The following RAPGEF1 variants were observed in gnomAD, a reference collection of about 807,000 sequenced individuals.
RAPGEF1 encodes the protein Rap guanine nucleotide exchange factor 1, also known as CRK SH3-binding GNRP.
A neutral mutation model predicts 143.3 loss-of-function variants in RAPGEF1; 33 were observed. That is an observed-to-expected ratio of 0.23 (90% confidence interval 0.17 to 0.31). RAPGEF1 has a LOEUF of 0.31. Among genes scored for constraint, RAPGEF1 ranks in the 10% least tolerant of loss-of-function variants. The pLI is 1.00. For missense variants in RAPGEF1, 1,199 were observed against 1,645.4 expected (o/e 0.73, Z 4.69); for synonymous variants, 629 against 676.5 (o/e 0.93, Z 1.09).
intron 1 of RAPGEF1, among the ~76,000 whole-genome samples, chr9:131,732,409 ACAAGTGGAAGCTCAAAGAACATGCACT>A (rs1284649578): frequency 6.6e-6 from 1 of 152,184 alleles, no homozygotes; most frequent in Non-Finnish European, 1.5e-5. Context: ...GGCAGTCACT[ACAAGTGGAAGCTCAAAGAACATGCACT>A]CAAGTGGAAG....
In RAPGEF1 at chr9:131,580,460, G is replaced by A. The variant is rs147617867; in HGVS notation, c.3513-69C>T. 1.2e-3 allele frequency: 1,849 copies of A among 1,544,946 alleles called. 29 individuals carry two copies. In the African/African-American group the frequency reaches 0.022, roughly 18 times the overall value. ...GAAGCAGCAAGGGCTAGAGACATGT[G>A]TCAGGCGCTAGGACTCGCAGTGAGC... is the stretch of plus-strand genomic sequence containing the variant. On this transcript the variant is annotated intron_variant, in intron 25 of 26. Transcript: ENST00000683357.
chr9:131,709,928 G>T, intron 1 of RAPGEF1: 3 of 985,378 alleles, frequency 3.0e-6, no homozygotes, highest in Non-Finnish European at 3.6e-6. Context: ...TCGCCCTACC[G>T]GTGCCTCTCA....
chr9:131,582,760 T>C, intron 24 of RAPGEF1, 58 bp from the exon 25 acceptor site: 1 of 1,420,574 alleles, frequency 7.0e-7, no homozygotes, highest in Non-Finnish European at 9.5e-7. Context: ...GGGGCAATGC[T>C]GGGGCAGAGC....
Position 131,584,387 on chromosome 9 carries a change from T to C in RAPGEF1, c.3338A>G (p.Asn1113Ser). 1.2e-6 allele frequency: 2 copies of C among 1,613,604 alleles called. No individual in the cohort carries two copies. The highest frequency in any genetic ancestry group is 1.7e-4 in the Middle Eastern group (1 of 6,058). The change falls in exon 24 of 27, where the codon AAC becomes AGC. Residue 1113 changes from asparagine to serine, a missense_variant. Asn to Ser is a conservative substitution (Grantham distance 46). Coordinates refer to ENST00000683357, the MANE Select transcript of RAPGEF1 (RefSeq NM_001377935.1). The surrounding 1 kb of genome is among the most constrained non-coding windows in gnomAD (Gnocchi z 6.8). ...MKHLRKLNNF[N>S]SYLAILSALD... ...GGCAGAGAGGATGGCCAAGTAGGAG[T>C]TGAAGTTATTCAGCTTCCGCAAGTG... is the stretch of plus-strand genomic sequence containing the variant.
intron 1 of RAPGEF1, among the ~76,000 whole-genome samples, chr9:131,729,983 A>G (rs1836924180): frequency 6.6e-6 from 1 of 151,996 alleles, no homozygotes; most frequent in Admixed American, 6.6e-5. Flanking sequence ...TCACGAGGTC[A>G]GGAGATCGAG....
At chr9:131,676,817 T>A (rs1832426370) in intron 1 of RAPGEF1, among the ~76,000 whole-genome samples, 1 of 152,238 alleles carries the variant, frequency 6.6e-6, no homozygotes, top group East Asian at 1.9e-4. Flanking sequence ...ATTAGCCTAG[T>A]CAGCGGTTCT....
intron 12 of RAPGEF1, among the ~76,000 whole-genome samples, chr9:131,616,118 A>G (rs1958964643): frequency 6.6e-6 from 1 of 152,048 alleles, no homozygotes; most frequent in Non-Finnish European, 1.5e-5. Context: ...AATACAAAAA[A>G]TTAGCTGGGC....
chr9:131,729,890 A>G (rs1323761550), intron 1 of RAPGEF1, among the ~76,000 whole-genome samples: 1 of 152,224 alleles, frequency 6.6e-6, no homozygotes, highest in Non-Finnish European at 1.5e-5. Context: ...GGGCAACTCC[A>G]TACTTATGAT....
chr9:131,730,821 G>C (rs1464261647), intron 1 of RAPGEF1, among the ~76,000 whole-genome samples: 1 of 151,822 alleles, frequency 6.6e-6, no homozygotes, highest in Non-Finnish European at 1.5e-5. Flanking sequence ...ATTTGCCCAC[G>C]GTCACCCAGC....
intron 1 of RAPGEF1, among the ~76,000 whole-genome samples, chr9:131,703,476 G>A (rs1834819308): frequency 6.6e-6 from 1 of 152,078 alleles, no homozygotes; most frequent in African/African-American, 2.4e-5. Flanking sequence ...CTGACTGCAC[G>A]CCAGGCACTG....
chr9:131,629,503 G>A (rs978838241), intron 6 of RAPGEF1, among the ~76,000 whole-genome samples: 2 of 152,078 alleles, frequency 1.3e-5, no homozygotes, highest in African/African-American at 4.8e-5. Context: ...TCTCTAAAAT[G>A]CTCCAGGCCG....
chr9:131,723,472 T>C (rs1836417729), intron 1 of RAPGEF1, among the ~76,000 whole-genome samples: 2 of 152,186 alleles, frequency 1.3e-5, no homozygotes, highest in African/African-American at 4.8e-5. Context: ...TCAGCGCCTT[T>C]CGGTTGCTAT....
intron 1 of RAPGEF1, among the ~76,000 whole-genome samples, chr9:131,680,387 C>A (rs1484960243): frequency 6.6e-6 from 1 of 152,134 alleles, no homozygotes; most frequent in African/African-American, 2.4e-5. Context: ...GGGAGCAGGC[C>A]CCCCAAAATC....
Position 131,577,279 on chromosome 9 carries a change from C to A in RAPGEF1, c.*2218G>T, listed in dbSNP as rs1220672536. The A allele has an allele frequency of 2.0e-5, 3 of 152,408 alleles. No homozygotes were observed. The highest frequency in any genetic ancestry group is 1.5e-5 in the Non-Finnish European group (1 of 68,154). The allele number at this position is 152,408 out of a possible 1,614,324, so 9.4% of individuals were successfully genotyped here. A position where few individuals can be genotyped will look rare whatever the true frequency, so the allele number is the denominator to read the frequency against. On this transcript the variant is annotated 3_prime_UTR_variant, in exon 27 of 27. Coordinates refer to ENST00000683357, the MANE Select transcript of RAPGEF1 (RefSeq NM_001377935.1). ...GCTGCCTGGGCCCTGCTGCTCAGAA[C>A]ACCAAGGGCTCCCAGTGAGGGCCTG... is the stretch of plus-strand genomic sequence containing the variant.
chr9:131,665,919 G>T (rs748433766), intron 1 of RAPGEF1, among the ~76,000 whole-genome samples: 4 of 152,192 alleles, frequency 2.6e-5, no homozygotes, highest in Non-Finnish European at 4.4e-5. Context: ...GGACAGAGAA[G>T]GGTTCTACTT....
At position 131,584,914 on chromosome 9, in the gene RAPGEF1, T is replaced by C. The variant is rs938694802; in HGVS notation, c.3234-318A>G. On this transcript the variant is annotated intron_variant, in intron 22 of 26. Transcript: ENST00000683357. This position sits in a 1 kb window ranked among gnomAD's most constrained non-coding sequence, Gnocchi z 6.8. ...AAAGCAGAGCCTTTCCTGACAAGCA[T>C]GGGCCCCAAGTACCAGGGGGCTGGG... Among the ~76,000 whole-genome samples the C allele has an allele frequency of 2.0e-5, 3 of 152,244 alleles. No individual in the cohort carries two copies. The highest frequency in any genetic ancestry group is 7.2e-5 in the African/African-American group (3 of 41,542).
intron 12 of RAPGEF1, among the ~76,000 whole-genome samples, chr9:131,607,587 G>A (rs924172723): frequency 2.0e-5 from 3 of 152,072 alleles, no homozygotes; most frequent in African/African-American, 7.2e-5. Context: ...CTGCTGGGGG[G>A]GCTGCCTTCA....
intron 1 of RAPGEF1, among the ~76,000 whole-genome samples, chr9:131,692,444 C>A (rs938887055): frequency 5.3e-5 from 8 of 152,194 alleles, no homozygotes; most frequent in Non-Finnish European, 2.9e-5. Flanking sequence ...CAAATACACA[C>A]AAGAACTGCT....
rs894731483 is a variant in RAPGEF1 at position 131,628,507 on chromosome 9, C to T, written c.1017+42G>A. 1.2e-6 allele frequency: 2 copies of T among 1,601,228 alleles called. No homozygotes were observed. The highest frequency in any genetic ancestry group is 2.7e-5 in the African/African-American group (2 of 74,666). ...GGAGCCACATCCCTGAGCCCCCCAC[C>T]CCCTCCCTGCCTTCCCATGCAGGGA... On this transcript the variant is annotated intron_variant, in intron 8 of 26. Transcript: ENST00000683357. The surrounding 1 kb of genome is among the most constrained non-coding windows in gnomAD (Gnocchi z 5.7).
Sources: gnomAD v4.1 joint callset for allele counts (sites outside exome capture counted in the v4.1 genomes callset) on GRCh38, gnomAD v4.1.1 for gene constraint, Gnocchi (gnomAD v3.1) non-coding constraint, MANE v1.5 for transcripts, NCBI Gene and HGNC (gene_info 2026-07-23, HGNC 2026-07-21) for gene names.